Variants in ANK2 observed in about 807,000 individuals in gnomAD.
The protein encoded by ANK2 is ankyrin 2.
Under a neutral mutation model 360.5 loss-of-function variants are expected in ANK2, and 83 were observed. The ratio of observed to expected loss-of-function variants is 0.23; its 90% CI spans 0.19 to 0.28. The LOEUF (loss-of-function observed/expected upper bound fraction) is 0.28. Among genes scored for constraint, ANK2 ranks in the 10% least tolerant of loss-of-function variants. ANK2 has a pLI of 1.00. For synonymous variants in ANK2, 1,740 were observed against 1,759.5 expected (o/e 0.99, Z 0.28); for missense variants, 4,201 against 4,795.7 (o/e 0.88, Z 3.66).
chr4:113,189,807 A>G (rs1315799567), intron 2 of ANK2, among the ~76,000 whole-genome samples: 1 of 151,990 alleles, frequency 6.6e-6, no homozygotes, highest in Non-Finnish European at 1.5e-5. Flanking sequence ...CTCTTGTTTC[A>G]TGGTACATAC....
chr4:113,311,390 G>A lies in ANK2; in HGVS notation c.2684G>A (p.Arg895Gln), dbSNP rs751513548. 1.5e-5 allele frequency: 24 copies of A among 1,613,922 alleles called. No individual in the cohort carries two copies. In the East Asian group the frequency reaches 3.3e-4, roughly 22 times the overall value. ...NYLRYSLEGG[R>Q]SDSLRSFSSD... Reference sequence around the variant, plus strand: ...CTGCGATACAGCTTGGAGGGAGGACGATCTGACAGGTATCTCATAAAACTT... The same window carrying A: ...CTGCGATACAGCTTGGAGGGAGGACAATCTGACAGGTATCTCATAAAACTT... The change falls in exon 24 of 46, where the codon CGA becomes CAA. Residue 895 changes from arginine (R) to glutamine (Q), a missense_variant. Around this residue, in one of 4 missense-constraint regions of ANK2, gnomAD observed 1,268 missense variants for 1,650.8 expected, o/e 0.77. Transcript: ENST00000357077.
intron 1 of ANK2, among the ~76,000 whole-genome samples, chr4:112,855,141 T>C (rs2066030734): frequency 1.3e-5 from 2 of 152,200 alleles, no homozygotes; most frequent in African/African-American, 4.8e-5. Flanking sequence ...TGCTTGGAGC[T>C]AGGGCTATGT....
In ANK2 at chr4:113,244,582, C is replaced by T. The variant is rs1331699957; in HGVS notation, c.891+2373C>T. ...TCATATGAGCTGGTTCCAGCACACC[C>T]CAGGATTAGCTACAATATTGAATGG... On this transcript the variant is annotated intron_variant, in intron 9 of 45. Coordinates refer to ENST00000357077, the MANE Select transcript of ANK2 (RefSeq NM_001148.6). 1.3e-5 allele frequency among the ~76,000 whole-genome samples: 2 copies of T among 152,026 alleles called. 1 individual carries two copies. Among genetic ancestry groups the T allele is most frequent in the Admixed American group, 1.3e-4 (2 of 15,260 alleles).
the ANK2 span, among the ~76,000 whole-genome samples, chr4:112,746,862 T>G: frequency 6.6e-6 from 1 of 152,228 alleles, no homozygotes; most frequent in Admixed American, 6.5e-5. Flanking sequence ...AAGACATGCT[T>G]TTGTGATTTT....
chr4:113,253,958 C>G (rs2047895113), intron 10 of ANK2, among the ~76,000 whole-genome samples: 1 of 152,156 alleles, frequency 6.6e-6, no homozygotes, highest in South Asian at 2.1e-4. Context: ...TGCCTTAAAC[C>G]ACATTCTTCT....
chr4:113,284,144 G>GCATTTTATGCATTT (rs2063471381), intron 18 of ANK2, among the ~76,000 whole-genome samples: 1 of 152,178 alleles, frequency 6.6e-6, no homozygotes, highest in Admixed American at 6.6e-5. Flanking sequence ...ATTTTTATAA[G>GCATTTTATGCATTT]AACGAACACG....
chr4:113,152,562 C>T (rs1201416774), intron 1 of ANK2, among the ~76,000 whole-genome samples: 2 of 151,664 alleles, frequency 1.3e-5, no homozygotes, highest in Non-Finnish European at 2.9e-5. Flanking sequence ...CAAAGCTGAC[C>T]TTCATATCAT....
chr4:112,805,486 C>T, the ANK2 span, among the ~76,000 whole-genome samples: 2 of 151,766 alleles, frequency 1.3e-5, no homozygotes, highest in Non-Finnish European at 2.9e-5. Flanking sequence ...CGTAAATAAG[C>T]TAGACAAGGG....
At chr4:113,376,759 G>A (rs1463086410) in intron 45 of ANK2, among the ~76,000 whole-genome samples, 2 of 135,824 alleles carry the variant, frequency 1.5e-5, no homozygotes, top group Non-Finnish European at 3.3e-5. Flanking sequence ...ACTTTTTTCT[G>A]CTTTTAATTT....
rs2154053497 is a variant in ANK2, at chr4:113,365,150, T to C, written c.11000T>C (p.Ile3667Thr). ...QERISHSYAE[I>T]EQTITLDHSE... ...CGCATCAGTCATAGTTATGCAGAAA[T>C]TGAACAGACCATTACACTGGATCAT... The change falls in exon 41 of 46, where the codon ATT (isoleucine) becomes ACT (threonine). Residue 3667 changes from isoleucine (I) to threonine (T), a missense_variant. Coordinates refer to ENST00000357077, the MANE Select transcript of ANK2 (RefSeq NM_001148.6). 1 of 1,613,744 alleles carries C rather than the reference T, an allele frequency of 6.2e-7. No homozygotes were observed.
In ANK2 at chr4:113,143,985, C is replaced by T. The variant is rs143709418; in HGVS notation, c.85-30431C>T. 2.7e-3 allele frequency among the ~76,000 whole-genome samples: 413 copies of T among 152,258 alleles called. 3 individuals carry two copies. Among genetic ancestry groups the T allele is most frequent in the African/African-American group, 9.2e-3 (382 of 41,538 alleles). On this transcript the variant is annotated intron_variant, in intron 1 of 45. Transcript: ENST00000357077. ...TCTAATCTTGTCACTGATTTTGAAG[C>T]ATCATCTTTCTGAATGCTTTCACTT...
the ANK2 span, among the ~76,000 whole-genome samples, chr4:112,738,365 T>C: frequency 3.3e-5 from 5 of 150,360 alleles, no homozygotes; most frequent in East Asian, 9.8e-4. Context: ...TGAGCCAAGA[T>C]TGTGCCACTG....
intron 2 of ANK2, among the ~76,000 whole-genome samples, chr4:112,953,790 G>T (rs1010706489): frequency 6.6e-6 from 1 of 152,140 alleles, no homozygotes; most frequent in Non-Finnish European, 1.5e-5. Context: ...CCAGGTGCTT[G>T]GTGGTTTAAT....
chr4:112,873,355 G>A (rs1412412587), intron 1 of ANK2, among the ~76,000 whole-genome samples: 1 of 151,328 alleles, frequency 6.6e-6, no homozygotes, highest in Non-Finnish European at 1.5e-5. Context: ...TACCATTATA[G>A]GTGTCCCCTG....
the ANK2 span, among the ~76,000 whole-genome samples, chr4:112,766,847 C>T: frequency 7.9e-5 from 12 of 152,160 alleles, no homozygotes; most frequent in Non-Finnish European, 1.5e-4. Flanking sequence ...TGAGTTAGCC[C>T]ACCTGATCCA....
At chr4:113,351,684 T>C (rs1393724446) in intron 37 of ANK2, among the ~76,000 whole-genome samples, 1 of 151,868 alleles carries the variant, frequency 6.6e-6, no homozygotes, top group Non-Finnish European at 1.5e-5. Context: ...CTAGTAAGAA[T>C]TAAAAATTAA....
chr4:113,104,199 G>T (rs1018183078), intron 1 of ANK2, among the ~76,000 whole-genome samples: 1 of 152,052 alleles, frequency 6.6e-6, no homozygotes, highest in Non-Finnish European at 1.5e-5. Context: ...TAGATGCTGG[G>T]GTTGTTGCTG....
chr4:113,049,349 C>G (rs1047998869), upstream of ANK2, among the ~76,000 whole-genome samples: 1 of 152,046 alleles, frequency 6.6e-6, no homozygotes, highest in African/African-American at 2.4e-5. Context: ...TGTATCTGTT[C>G]CGTGTTGAAG....
the ANK2 span, among the ~76,000 whole-genome samples, chr4:112,811,967 CA>C: frequency 2.7e-5 from 4 of 148,526 alleles, no homozygotes; most frequent in African/African-American, 9.9e-5. Flanking sequence ...CCCAGCTACT[CA>C]GGAGGCTGAG....
Sources: allele counts gnomAD v4.1 joint callset (sites outside exome capture counted in the v4.1 genomes callset), GRCh38; gene constraint gnomAD v4.1.1; regional missense constraint gnomAD v4.1.1; transcripts MANE v1.5; gene names NCBI Gene and HGNC (gene_info 2026-07-23, HGNC 2026-07-21).